The following ERLEC1 variants were observed in gnomAD, a reference collection of about 807,000 sequenced individuals.
ERLEC1 encodes the protein endoplasmic reticulum lectin 1.
ERLEC1 carries 47 observed loss-of-function variants against 68.0 expected under a neutral mutation model. The ratio of observed to expected loss-of-function variants is 0.69; its 90% CI spans 0.55 to 0.88. The LOEUF (loss-of-function observed/expected upper bound fraction) is 0.88, where lower values mean the gene tolerates loss of function less well. Among genes scored for constraint, ERLEC1 ranks in the 40% least tolerant of loss-of-function variants. ERLEC1 has a pLI of 0.00. For synonymous variants in ERLEC1, 225 were observed against 203.2 expected (o/e 1.11, Z -0.91); for missense variants, 567 against 583.8 (o/e 0.97, Z 0.30).
At chr2:53,793,260 T>G (rs552614567) in intron 1 of ERLEC1, among the ~76,000 whole-genome samples, 42 of 152,334 alleles carry the variant, frequency 2.8e-4, no homozygotes, top group African/African-American at 9.9e-4. Flanking sequence ...TTGTATTAAT[T>G]GAAGTGTTTA....
At position 53,797,743 on chromosome 2, in the gene ERLEC1, T is replaced by G; in HGVS notation, c.438T>G (p.Ile146Met). The G allele has an allele frequency of 6.2e-7, 1 of 1,612,006 alleles. No homozygotes were observed. Among genetic ancestry groups the G allele is most frequent in the South Asian group, 1.1e-5 (1 of 90,802 alleles). ...ACTTTTCAATGTAGAAAATAAATAT[T>G]CACGAGTACTACCTTGGGAATATGT... ...EEKETGQKIN[I>M]HEYYLGNMLA... The change falls in exon 5 of 14, where the codon ATT (isoleucine) becomes ATG (methionine). Residue 146 changes from isoleucine (I) to methionine (M), a missense_variant. Ile to Met is a conservative substitution (Grantham distance 10, BLOSUM62 1). Coordinates refer to ENST00000185150, the MANE Select transcript of ERLEC1 (RefSeq NM_015701.5).
rs919865800 is a variant in ERLEC1, at chr2:53,809,202, C to G, written c.1042-12C>G. On this transcript the variant is annotated splice_polypyrimidine_tract_variant and intron_variant, in intron 9 of 13. Transcript: ENST00000185150. ...TTCTTAACTTGATCTAATATGTTTT[C>G]TTTTTTTTTAGGGTGTCGGTTGGTG... is the stretch of plus-strand genomic sequence containing the variant. The G allele has an allele frequency of 2.0e-6, 3 of 1,521,704 alleles. No homozygotes were observed. Among genetic ancestry groups the G allele is most frequent in the Admixed American group, 4.1e-5 (2 of 48,348 alleles). 94.3% of individuals were successfully genotyped at this position (1,521,704 alleles called of 1,614,324 possible). A position where few individuals can be genotyped will look rare whatever the true frequency, so the allele number is the denominator to read the frequency against.
chr2:53,809,348 G>C, intron 10 of ERLEC1, 75 bp downstream of exon 10: 1 of 1,001,052 alleles, frequency 1.0e-6, no homozygotes, highest in South Asian at 1.8e-5. Context: ...GAAAAAAAGG[G>C]GGAATGGTAT....
chr2:53,790,021 A>G (rs1168150512), intron 1 of ERLEC1, among the ~76,000 whole-genome samples: 5 of 151,012 alleles, frequency 3.3e-5, no homozygotes, highest in Non-Finnish European at 7.4e-5. Context: ...GTCTCAAAAA[A>G]AAAAAAAAAA....
rs1431367172 is a variant in ERLEC1 at position 53,808,381 on chromosome 2, T to C, written c.962T>C (p.Val321Ala). ...ATTGGCTCTCAGCCAGTGCTCACTG[T>C]TGGGACAACCCACATATCCAAATTG... ...IAIGSQPVLT[V>A]GTTHISKLTD... is the part of the protein sequence containing the mutation. Residue 321 changes from valine (V) to alanine (A), a missense_variant, in exon 9 of 14, where the codon GTT becomes GCT. Coordinates refer to ENST00000185150, the MANE Select transcript of ERLEC1 (RefSeq NM_015701.5). The C allele has an allele frequency of 5.0e-6, 8 of 1,614,104 alleles. No individual in the cohort carries two copies. Among genetic ancestry groups the C allele is most frequent in the Non-Finnish European group, 5.1e-6 (6 of 1,180,042 alleles).
chr2:53,814,813 T>A (rs746483351), intron 12 of ERLEC1, 47 bp from the exon 13 acceptor site: 1 of 1,397,454 alleles, frequency 7.2e-7, no homozygotes, highest in South Asian at 1.2e-5. Flanking sequence ...AACAGTGATC[T>A]TACTTTAAAT....
At position 53,808,171 on chromosome 2, in the gene ERLEC1, G is replaced by A. The variant is rs1676398750; in HGVS notation, c.880-128G>A. On this transcript the variant is annotated intron_variant, in intron 8 of 13. Transcript: ENST00000185150. ...GCTGCAAAGTCCATTATCTTAAAGT[G>A]TATTAAAAGCAAGTGGACAATTTAT... 1.6e-5 allele frequency: 15 copies of A among 916,076 alleles called. No individual in the cohort carries two copies. In the South Asian group the frequency reaches 2.7e-4, roughly 16 times the overall value. 56.7% of individuals were successfully genotyped at this position (916,076 alleles called of 1,614,324 possible).
intron 13 of ERLEC1, 79 bp downstream of exon 13, chr2:53,815,014 T>G: frequency 3.1e-6 from 3 of 959,000 alleles, no homozygotes; most frequent in Non-Finnish European, 4.6e-6. Flanking sequence ...TTTTTTTTTT[T>G]TTGTTTTTTT....
chr2:53,805,191 T>A (rs1676221555), intron 8 of ERLEC1, among the ~76,000 whole-genome samples: 1 of 150,840 alleles, frequency 6.6e-6, no homozygotes, highest in Non-Finnish European at 1.5e-5. Context: ...CCCGGCTAAT[T>A]TTTGTATTTT....
At chr2:53,792,428 A>T (rs1396846654) in intron 1 of ERLEC1, among the ~76,000 whole-genome samples, 2 of 152,174 alleles carry the variant, frequency 1.3e-5, no homozygotes, top group Admixed American at 1.3e-4. Flanking sequence ...AGCTCACAGA[A>T]TATGGAGCCA....
At chr2:53,795,896 G>T (rs1675667029) in intron 2 of ERLEC1, 37 bp from the exon 3 acceptor site, 1 of 1,399,632 alleles carries the variant, frequency 7.1e-7, no homozygotes, top group African/African-American at 1.5e-5. Flanking sequence ...TGAAATTCTA[G>T]AAAAACTGTA....
chr2:53,811,695 A>G (rs1386144894), intron 10 of ERLEC1, among the ~76,000 whole-genome samples: 1 of 152,192 alleles, frequency 6.6e-6, no homozygotes, highest in East Asian at 1.9e-4. Flanking sequence ...TAACTTGCCT[A>G]AAGTCAAATA....
Position 53,810,008 on chromosome 2 carries a change from G to A in ERLEC1, c.1101+735G>A, listed in dbSNP as rs150009810. 7.4e-3 allele frequency among the ~76,000 whole-genome samples: 1,120 copies of A among 152,206 alleles called. 17 individuals are homozygous for A. The highest frequency in any genetic ancestry group is 0.026 in the African/African-American group (1,074 of 41,526). On this transcript the variant is annotated intron_variant, in intron 10 of 13. Coordinates refer to ENST00000185150, the MANE Select transcript of ERLEC1 (RefSeq NM_015701.5). ...AGAGGTTGCAGTGAGCCGAGATCAC[G>A]CCACTGCATTCCAGCTTGAGCAACA...
chr2:53,808,639 A>G (rs1487991645), intron 9 of ERLEC1, among the ~76,000 whole-genome samples, 179 bp downstream of exon 9: 4 of 152,140 alleles, frequency 2.6e-5, no homozygotes, highest in African/African-American at 7.2e-5. Flanking sequence ...AATCTAATCC[A>G]TAGCTTTTAT....
intron 1 of ERLEC1, among the ~76,000 whole-genome samples, chr2:53,789,823 A>C (rs1675287750): frequency 6.6e-6 from 1 of 152,058 alleles, no homozygotes; most frequent in Non-Finnish European, 1.5e-5. Context: ...GTTTGAGACT[A>C]GCCTAGGCAA....
In ERLEC1 at chr2:53,797,501, T is replaced by C; in HGVS notation, c.349-14T>C. On this transcript the variant is annotated splice_polypyrimidine_tract_variant and intron_variant, in intron 3 of 13. Coordinates refer to ENST00000185150, the MANE Select transcript of ERLEC1 (RefSeq NM_015701.5). Reference sequence around the variant, plus strand: ...TGTGGCTTTTGTGCATTGAAATATATCCATCTTTTTTAGATTGAGTCTTAT... The same window carrying C: ...TGTGGCTTTTGTGCATTGAAATATACCCATCTTTTTTAGATTGAGTCTTAT... The C allele has an allele frequency of 1.3e-6, 2 of 1,596,092 alleles. No homozygotes were observed. The highest frequency in any genetic ancestry group is 1.1e-5 in the South Asian group (1 of 87,726).
Position 53,808,325 on chromosome 2 carries a change from G to T in ERLEC1, c.906G>T (p.Glu302Asp). The change falls in exon 9 of 14, where the codon GAG becomes GAT. Residue 302 changes from glutamate to aspartate, a missense_variant. Transcript: ENST00000185150. ...KEEDLQSTKE[E>D]RFPAIHKSIA... ...AAGATTTGCAATCAACTAAAGAAGA[G>T]AGATTTCCAGCGATCCACAAGTCGA... 6.2e-7 allele frequency: 1 copy of T among 1,614,070 alleles called. No homozygotes were observed. Among genetic ancestry groups the T allele is most frequent in the South Asian group, 1.1e-5 (1 of 91,046 alleles).
At chr2:53,792,805 C>T (rs981369687) in intron 1 of ERLEC1, among the ~76,000 whole-genome samples, 2 of 152,132 alleles carry the variant, frequency 1.3e-5, no homozygotes, top group African/African-American at 4.8e-5. Context: ...TGGCTTGAGC[C>T]TAGGAGTTTG....
At chr2:53,800,253 T>C (rs1032102556) in intron 6 of ERLEC1, among the ~76,000 whole-genome samples, 1 of 152,146 alleles carries the variant, frequency 6.6e-6, no homozygotes, top group African/African-American at 2.4e-5. Context: ...ATATCAGTCA[T>C]TTCTGCTACC....
Sources: gnomAD v4.1 joint callset for allele counts (sites outside exome capture counted in the v4.1 genomes callset) on GRCh38, gnomAD v4.1.1 for gene constraint, MANE v1.5 for transcripts, NCBI Gene and HGNC (gene_info 2026-07-23, HGNC 2026-07-21) for gene names.